ITGAV: variants seen among roughly 807,000 people sequenced by gnomAD.
ITGAV encodes the protein integrin alpha-V.
ITGAV carries 76 observed loss-of-function variants against 143.8 expected under a neutral mutation model. The ratio of observed to expected loss-of-function variants is 0.53; its 90% CI spans 0.44 to 0.64. The LOEUF is 0.64. ITGAV is among the 30% of genes least tolerant of loss of function. ITGAV has a pLI of 0.00. For missense variants in ITGAV, 1,193 were observed against 1,274.7 expected, an observed-to-expected ratio of 0.94 and a Z score of 0.98; for synonymous variants, 453 against 446.7, an observed-to-expected ratio of 1.01 and a Z score of -0.18.
rs1460110816 is a variant in ITGAV at position 186,604,374 on chromosome 2, A to G, written c.316+2223A>G. Among the ~76,000 whole-genome samples the G allele has an allele frequency of 2.0e-5, 3 of 152,322 alleles. No homozygotes were observed. In the East Asian group the frequency reaches 5.8e-4, roughly 29 times the overall value. ...TAAATCACTGATACTATTCTATTGTATATGTGTACTTAATTTGCTTAAATT... is the reference window on the plus strand; with the variant it reads ...TAAATCACTGATACTATTCTATTGTGTATGTGTACTTAATTTGCTTAAATT... On this transcript the variant is annotated intron_variant, in intron 2 of 29. Coordinates refer to ENST00000261023, the MANE Select transcript of ITGAV (RefSeq NM_002210.5).
chr2:186,600,528 T>A, intron 1 of ITGAV: 1 of 1,074,594 alleles, frequency 9.3e-7, no homozygotes, highest in Non-Finnish European at 1.3e-6. Flanking sequence ...CTGCTCTGTC[T>A]AAAGAAGGTC....
At chr2:186,667,109 T>G (rs758423882) in intron 22 of ITGAV, 41 bp from the exon 23 acceptor site, 1 of 1,487,892 alleles carries the variant, frequency 6.7e-7, no homozygotes, top group Admixed American at 1.8e-5. Flanking sequence ...TCTTGGTTGT[T>G]ATGCATAATT....
intron 2 of ITGAV, among the ~76,000 whole-genome samples, chr2:186,609,128 A>G (rs1385250152): frequency 6.6e-6 from 1 of 152,186 alleles, no homozygotes; most frequent in Non-Finnish European, 1.5e-5. Flanking sequence ...GGGAACTAAA[A>G]GGTATAGGAT....
intron 26 of ITGAV, 185 bp downstream of exon 26, chr2:186,669,999 G>C (rs1279267675): frequency 3.7e-6 from 2 of 544,312 alleles, no homozygotes; most frequent in Non-Finnish European, 6.4e-6. Flanking sequence ...CTTCAAATGA[G>C]CTATTTTTGT....
At chr2:186,632,452 T>A (rs1687837900) in intron 5 of ITGAV, among the ~76,000 whole-genome samples, 1 of 152,076 alleles carries the variant, frequency 6.6e-6, no homozygotes, top group African/African-American at 2.4e-5. Flanking sequence ...AGATTGTCTA[T>A]TGAAAGCTTG....
chr2:186,590,630 G>C, intron 1 of ITGAV, 107 bp downstream of exon 1: 1 of 1,035,908 alleles, frequency 9.7e-7, no homozygotes, highest in South Asian at 1.7e-5. Flanking sequence ...GCGTCTGTCT[G>C]TCTCACCCAT....
chr2:186,604,791 C>G (rs970865027), intron 2 of ITGAV, among the ~76,000 whole-genome samples: 1 of 152,168 alleles, frequency 6.6e-6, no homozygotes, highest in African/African-American at 2.4e-5. Flanking sequence ...AGTATATTTG[C>G]ACATATTTTC....
Position 186,680,213 on chromosome 2 carries a change from TGTA to T in ITGAV, c.*2927_*2929del, listed in dbSNP as rs1689316203. Reference sequence around the variant, plus strand: ...TTTGCATTCTTGGATAGCTTGTATATGTAGTAGTTTGATGAATAATTTAAAGAA... The same window carrying T: ...TTTGCATTCTTGGATAGCTTGTATATGTAGTTTGATGAATAATTTAAAGAA... On this transcript the variant is annotated 3_prime_UTR_variant, in exon 30 of 30. Coordinates refer to ENST00000261023, the MANE Select transcript of ITGAV (RefSeq NM_002210.5). The T allele has an allele frequency of 6.6e-6, 1 of 152,062 alleles. No individual in the cohort carries two copies. 9.4% of individuals were successfully genotyped at this position (152,062 alleles called of 1,614,324 possible).
chr2:186,612,374 T>TA (rs2105670613), intron 2 of ITGAV, among the ~76,000 whole-genome samples: 1 of 152,102 alleles, frequency 6.6e-6, no homozygotes, highest in East Asian at 1.9e-4. Context: ...GTTTAATTTT[T>TA]TTTTTTTTTT....
At chr2:186,658,519 A>G (rs1688650800) in intron 17 of ITGAV, among the ~76,000 whole-genome samples, 2 of 152,152 alleles carry the variant, frequency 1.3e-5, no homozygotes, top group Admixed American at 6.5e-5. Flanking sequence ...AAACCCATAA[A>G]CAATCAAAAT....
At chr2:186,641,839 A>C (rs1485196742) in intron 12 of ITGAV, 1 of 493,866 alleles carries the variant, frequency 2.0e-6, no homozygotes, top group Admixed American at 3.6e-5. Context: ...CAGAATGATT[A>C]CTTTCTGAAA....
rs757659902 is a variant in ITGAV at position 186,677,343 on chromosome 2, T to C, written c.*51T>C. ...CTTGACCCACTAGAATTAGCAACTTTATTATAGATTTAAACTTTCTTCATG... is the reference window on the plus strand; with the variant it reads ...CTTGACCCACTAGAATTAGCAACTTCATTATAGATTTAAACTTTCTTCATG... On this transcript the variant is annotated 3_prime_UTR_variant, in exon 30 of 30. Transcript: ENST00000261023. 11 of 1,359,484 alleles carry C rather than the reference T, an allele frequency of 8.1e-6. No individual in the cohort carries two copies. Among genetic ancestry groups the C allele is most frequent in the Non-Finnish European group, 9.3e-6 (9 of 964,470 alleles). The allele number at this position is 1,359,484 out of a possible 1,614,324, so 84.2% of individuals were successfully genotyped here. A position where few individuals can be genotyped will look rare whatever the true frequency, so the allele number is the denominator to read the frequency against.
At chr2:186,664,391 G>T in intron 19 of ITGAV, 103 bp from the exon 20 acceptor site, 1 of 1,104,668 alleles carries the variant, frequency 9.1e-7, no homozygotes, top group African/African-American at 1.6e-5. Flanking sequence ...AGACACTGTT[G>T]AACATGTCAG....
chr2:186,602,661 G>C (rs898743236), intron 2 of ITGAV, among the ~76,000 whole-genome samples: 2 of 152,026 alleles, frequency 1.3e-5, no homozygotes, highest in Non-Finnish European at 2.9e-5. Context: ...GGCAGATCAC[G>C]AGGTCAGGAG....
intron 12 of ITGAV, among the ~76,000 whole-genome samples, chr2:186,644,222 G>A (rs867270243): frequency 9.9e-5 from 15 of 152,176 alleles, no homozygotes; most frequent in Non-Finnish European, 1.8e-4. Flanking sequence ...AGGATTACAA[G>A]CATGAGCTAC....
At chr2:186,610,257 T>C (rs930518493) in intron 2 of ITGAV, among the ~76,000 whole-genome samples, 6 of 152,196 alleles carry the variant, frequency 3.9e-5, no homozygotes, top group African/African-American at 7.2e-5. Flanking sequence ...GAAAAGTTAC[T>C]CGCTGCTTTG....
At chr2:186,628,038 A>G (rs1012678183) in intron 4 of ITGAV, among the ~76,000 whole-genome samples, 1 of 152,140 alleles carries the variant, frequency 6.6e-6, no homozygotes, top group African/African-American at 2.4e-5. Context: ...CCTGGGTTAT[A>G]TTCTGACTTT....
At chr2:186,638,506 G>A in intron 10 of ITGAV, 41 bp downstream of exon 10, 1 of 1,503,048 alleles carries the variant, frequency 6.7e-7, no homozygotes, top group Non-Finnish European at 9.2e-7. Context: ...CACTATAAAA[G>A]CAGTATGTAC....
At chr2:186,593,795 G>C (rs1054073094) in intron 1 of ITGAV, among the ~76,000 whole-genome samples, 1 of 151,906 alleles carries the variant, frequency 6.6e-6, no homozygotes, top group African/African-American at 2.4e-5. Context: ...TGTGAGTAGA[G>C]GGTAAGGAAG....
Sources: gnomAD v4.1 joint callset for allele counts (sites outside exome capture counted in the v4.1 genomes callset) on GRCh38, gnomAD v4.1.1 for gene constraint, MANE v1.5 for transcripts, NCBI Gene and HGNC (gene_info 2026-07-23, HGNC 2026-07-21) for gene names.